The following EIF4G3 variants were observed in gnomAD, a reference collection of about 807,000 sequenced individuals.
EIF4G3 encodes eIF-4-gamma 3.
EIF4G3 carries 34 observed loss-of-function variants against 186.4 expected under a neutral mutation model. The ratio of observed to expected loss-of-function variants is 0.18; its 90% CI spans 0.14 to 0.24. The LOEUF is 0.24. EIF4G3 is among the 10% of genes least tolerant of loss of function. EIF4G3 has a pLI of 1.00. For synonymous variants in EIF4G3, 673 were observed against 679.5 expected (o/e 0.99, Z 0.15); for missense variants, 1,536 against 1,948.5 (o/e 0.79, Z 3.99).
intron 7 of EIF4G3, among the ~76,000 whole-genome samples, chr1:20,986,654 C>G (rs2079543912): frequency 7.3e-6 from 1 of 137,436 alleles, no homozygotes; most frequent in Non-Finnish European, 1.5e-5. Flanking sequence ...GAGGCTGAAG[C>G]AGGAGAATGG....
intron 4 of EIF4G3, among the ~76,000 whole-genome samples, chr1:21,008,490 C>A (rs7526707): frequency 1.1e-3 from 170 of 152,226 alleles, no homozygotes; most frequent in African/African-American, 3.8e-3. Context: ...ATGCATGCCA[C>A]CACGCCCGGC....
intron 33 of EIF4G3, among the ~76,000 whole-genome samples, chr1:20,821,789 T>C (rs1475463055): frequency 6.6e-6 from 1 of 152,224 alleles, no homozygotes; most frequent in African/African-American, 2.4e-5. Flanking sequence ...TTCTCTATTA[T>C]GTATACTTCA....
At chr1:20,911,356 C>T (rs577517448) in intron 14 of EIF4G3, among the ~76,000 whole-genome samples, 1 of 151,808 alleles carries the variant, frequency 6.6e-6, no homozygotes, top group African/African-American at 2.4e-5. Flanking sequence ...CTGCTTGAGG[C>T]CAGGAGTTCA....
chr1:21,160,682 A>C (rs1180476246), intron 2 of EIF4G3, among the ~76,000 whole-genome samples: 1 of 152,236 alleles, frequency 6.6e-6, no homozygotes, highest in African/African-American at 2.4e-5. Context: ...GACACCCTAT[A>C]AACAATGGAT....
intron 19 of EIF4G3, among the ~76,000 whole-genome samples, chr1:20,882,052 A>C (rs1347362792): frequency 1.3e-5 from 2 of 151,976 alleles, no homozygotes; most frequent in African/African-American, 2.4e-5. Context: ...AGTCCTAGCT[A>C]CTTGTGGGGC....
In EIF4G3 at chr1:21,062,342, G is replaced by A. The variant is rs190313323; in HGVS notation, c.-195-11348C>T. The stretch of plus-strand genomic sequence containing the variant: ...CCCAAAGTACTGGGATTACAGGCAT[G>A]AGCCACTACTCCTAGCCTCTGCTTA... On this transcript the variant is annotated intron_variant, in intron 3 of 36. Transcript: ENST00000602326. Among the ~76,000 whole-genome samples, 33 of 152,174 alleles carry A rather than the reference G, an allele frequency of 2.2e-4. 1 individual carries two copies. The highest frequency in any genetic ancestry group is 2.0e-3 in the Admixed American group (31 of 15,290).
intron 3 of EIF4G3, among the ~76,000 whole-genome samples, chr1:21,057,027 T>C (rs576114464): frequency 5.9e-5 from 9 of 152,230 alleles, no homozygotes; most frequent in Non-Finnish European, 1.0e-4. Context: ...TTGGTAACAA[T>C]GTGGGGCTTC....
chr1:20,959,745 AG>A (rs1029491770), intron 12 of EIF4G3, among the ~76,000 whole-genome samples: 2 of 151,862 alleles, frequency 1.3e-5, no homozygotes, highest in African/African-American at 4.8e-5. Context: ...TCTCAAAAAA[AG>A]ATACATAAAT....
At chr1:20,949,843 T>A (rs550587329) in intron 13 of EIF4G3, among the ~76,000 whole-genome samples, 160 bp downstream of exon 13, 57 of 152,326 alleles carry the variant, frequency 3.7e-4, no homozygotes, top group African/African-American at 1.3e-3. Flanking sequence ...TTTAGTTTCC[T>A]AGAGGCAGAA....
chr1:21,078,976 C>G (rs1407946989), intron 3 of EIF4G3, among the ~76,000 whole-genome samples: 1 of 152,092 alleles, frequency 6.6e-6, no homozygotes, highest in Non-Finnish European at 1.5e-5. Context: ...CGCAGTGAGA[C>G]TCCATCTCAA....
chr1:21,063,055 AT>A (rs1291166278), intron 3 of EIF4G3, among the ~76,000 whole-genome samples: 1 of 152,060 alleles, frequency 6.6e-6, no homozygotes, highest in African/African-American at 2.4e-5. Context: ...ATATATATTT[AT>A]TTTTTTAATT....
At chr1:21,073,109 C>G (rs2100441767) in intron 3 of EIF4G3, among the ~76,000 whole-genome samples, 1 of 152,300 alleles carries the variant, frequency 6.6e-6, no homozygotes, top group Middle Eastern at 3.4e-3. Flanking sequence ...TCTTAACATT[C>G]TGCTCCCCAT....
chr1:21,035,150 C>A (rs1322854777), intron 4 of EIF4G3, among the ~76,000 whole-genome samples: 1 of 152,188 alleles, frequency 6.6e-6, no homozygotes, highest in Non-Finnish European at 1.5e-5. Flanking sequence ...AGGACCCACT[C>A]CCAGGCCTGA....
intron 3 of EIF4G3, among the ~76,000 whole-genome samples, chr1:21,074,872 C>T (rs1373751701): frequency 1.3e-5 from 2 of 152,070 alleles, no homozygotes; most frequent in South Asian, 2.1e-4. Flanking sequence ...CCCAGGAGTT[C>T]GAGACCAGCC....
intron 13 of EIF4G3, among the ~76,000 whole-genome samples, chr1:20,948,646 G>A (rs1482700850): frequency 6.6e-6 from 1 of 152,038 alleles, no homozygotes; most frequent in Non-Finnish European, 1.5e-5. Context: ...TGACTAACTT[G>A]CAGTCTACCC....
chr1:21,086,199 C>CTTTTT lies in EIF4G3; in HGVS notation c.-196+2934_-196+2938dup, dbSNP rs397979515. 5.1e-4 allele frequency among the ~76,000 whole-genome samples: 49 copies of CTTTTT among 95,192 alleles called. 1 individual carries two copies. Among genetic ancestry groups the CTTTTT allele is most frequent in the African/African-American group, 1.2e-3 (28 of 23,026 alleles). 62.4% of individuals were successfully genotyped at this position (95,192 alleles called of 152,430 possible). A position where few individuals can be genotyped will look rare whatever the true frequency, so the allele number is the denominator to read the frequency against. On this transcript the variant is annotated intron_variant, in intron 3 of 36. Transcript: ENST00000602326. ...AAATATCCATTACCTACATGATACT[C>CTTTTT]TTTTTTTTTTTTTTTTTTTTTTGAG...
In EIF4G3 at chr1:20,941,614, T is replaced by C. The variant is rs778558002; in HGVS notation, c.1540A>G (p.Ile514Val). 4.3e-6 allele frequency: 7 copies of C among 1,614,102 alleles called. No individual in the cohort carries two copies. Among genetic ancestry groups the C allele is most frequent in the African/African-American group, 4.0e-5 (3 of 74,934 alleles). Reference sequence around the variant, plus strand: ...GCATCTTCACTAAGGCAAGTTCTTATGCTCTCGTCCTCCTCTAGGACTCTC... The same window carrying C: ...GCATCTTCACTAAGGCAAGTTCTTACGCTCTCGTCCTCCTCTAGGACTCTC... ...VQRVLEEDES[I>V]RTCLSEDAKE... is the part of the protein sequence containing the mutation. Residue 514 changes from isoleucine (I) to valine (V), a missense_variant, in exon 14 of 37, where the codon ATA (isoleucine) becomes GTA (valine). Physicochemically the swap from Ile to Val is conservative, Grantham distance 29. This residue lies in a region of EIF4G3 where 560 missense variants were observed against 547.8 expected (regional missense o/e 1.02). Transcript: ENST00000602326.
chr1:21,106,321 T>C (rs986197309), intron 2 of EIF4G3, among the ~76,000 whole-genome samples: 10 of 152,120 alleles, frequency 6.6e-5, no homozygotes, highest in African/African-American at 2.4e-4. Context: ...TGAGAGATTA[T>C]AGCAGTTGTC....
Position 20,818,425 on chromosome 1 carries a change from G to A in EIF4G3, c.4369-887C>T, listed in dbSNP as rs546846682. ...AGGCCAAGGCAGGAGGAGTGTATGA[G>A]TTCAGGAGTTTGAGACCAGCCTGGG... is the stretch of plus-strand genomic sequence containing the variant. On this transcript the variant is annotated intron_variant, in intron 33 of 36. Transcript: ENST00000602326. 2.0e-5 allele frequency among the ~76,000 whole-genome samples: 3 copies of A among 152,292 alleles called. No homozygotes were observed. The South Asian group carries it at 6.2e-4, about 32-fold the overall frequency.
Sources: gnomAD v4.1 joint callset for allele counts (sites outside exome capture counted in the v4.1 genomes callset) on GRCh38, gnomAD v4.1.1 for gene constraint, gnomAD v4.1.1 regional missense constraint, MANE v1.5 for transcripts, NCBI Gene and HGNC (gene_info 2026-07-23, HGNC 2026-07-21) for gene names.